MYBPC2: variants seen among roughly 807,000 people sequenced by gnomAD.
The protein encoded by MYBPC2 is myosin binding protein C2, also known as myosin-binding protein C, fast-type.
Under a neutral mutation model 137.0 loss-of-function variants are expected in MYBPC2, and 122 were observed. The observed-to-expected ratio is 0.89, with a 90% CI of 0.77 to 1.03. The LOEUF is 1.03. Ranked by LOEUF, MYBPC2 falls within the 50% of genes least tolerant of loss-of-function variation. The pLI, the probability that MYBPC2 is intolerant of heterozygous loss-of-function variation, is 0.00. For synonymous variants in MYBPC2, 626 were observed against 612.3 expected (o/e 1.02, Z -0.33); for missense variants, 1,500 against 1,534.4 (o/e 0.98, Z 0.37).
Position 50,466,173 on chromosome 19 carries a change from C to G in MYBPC2, c.3416-22C>G. 6.2e-7 allele frequency: 1 copy of G among 1,613,690 alleles called. No homozygotes were observed. Among genetic ancestry groups the G allele is most frequent in the Non-Finnish European group, 8.5e-7 (1 of 1,179,836 alleles). ...GGAGGCGTGCCCGGGCCTGGCTCAC[C>G]CGCTTTCTCGTTTTCCTGCAGTGCC... On this transcript the variant is annotated intron_variant, in intron 27 of 27. Transcript: ENST00000357701. This position sits in a 1 kb window ranked among gnomAD's most constrained non-coding sequence, Gnocchi z 4.9.
Position 50,435,092 on chromosome 19 carries a change from C to T in MYBPC2, c.20-69C>T, listed in dbSNP as rs1181168319. On this transcript the variant is annotated intron_variant, in intron 1 of 27. Coordinates refer to ENST00000357701, the MANE Select transcript of MYBPC2 (RefSeq NM_004533.4). The surrounding 1 kb of genome is among the most constrained non-coding windows in gnomAD (Gnocchi z 4.8). ...GAGGAGGGGCTGGGGGGTCTGGACTCCTGCGTCTGAGGGAGGGGCATGGGT... is the reference window on the plus strand; with the variant it reads ...GAGGAGGGGCTGGGGGGTCTGGACTTCTGCGTCTGAGGGAGGGGCATGGGT... The T allele has an allele frequency of 5.5e-6, 4 of 723,458 alleles. No homozygotes were observed. Among genetic ancestry groups the T allele is most frequent in the Non-Finnish European group, 1.0e-5 (4 of 393,112 alleles). The allele number at this position is 723,458 out of a possible 1,614,324, so 44.8% of individuals were successfully genotyped here.
chr19:50,441,208 GGTGGGCCTCGGACACCAGACCAAATT>G, intron 8 of MYBPC2, 132 bp downstream of exon 8: 3 of 975,074 alleles, frequency 3.1e-6, no homozygotes, highest in Non-Finnish European at 4.3e-6. Flanking sequence ...CAACTCTAGC[GGTGGGCCTCGGACACCAGACCAAATT>G]GAGGACTAGC....
intron 16 of MYBPC2, 93 bp downstream of exon 16, chr19:50,452,096 G>A: frequency 7.4e-7 from 1 of 1,349,884 alleles, no homozygotes; most frequent in Non-Finnish European, 1.0e-6. Flanking sequence ...ATAAAATGAG[G>A]GTGATGGTTC....
At position 50,443,764 on chromosome 19, in the gene MYBPC2, G is replaced by T. The variant is rs2039777469; in HGVS notation, c.1081G>T (p.Asp361Tyr). The T allele has an allele frequency of 6.2e-7, 1 of 1,613,848 alleles. No individual in the cohort carries two copies. The change falls in exon 11 of 28, where the codon GAC becomes TAC. Residue 361 changes from aspartate (D) to tyrosine (Y), a missense_variant. Transcript: ENST00000357701. ...PLEDQQVFVG[D>Y]RVEMAVEVSE... is the part of the protein sequence containing the mutation. ...TGAGGACCAGCAGGTGTTTGTGGGT[G>T]ACCGGGTGGAAATGGCAGTGGAGGT...
At position 50,466,104 on chromosome 19, in the gene MYBPC2, C is replaced by G. The variant is rs1304517740; in HGVS notation, c.3416-91C>G. 7.0e-6 allele frequency: 11 copies of G among 1,565,796 alleles called. No homozygotes were observed. The highest frequency in any genetic ancestry group is 9.6e-6 in the Non-Finnish European group (11 of 1,147,348). On this transcript the variant is annotated intron_variant, in intron 27 of 27. Coordinates refer to ENST00000357701, the MANE Select transcript of MYBPC2 (RefSeq NM_004533.4). The surrounding 1 kb of genome is among the most constrained non-coding windows in gnomAD (Gnocchi z 4.9). ...GGATGGTGACCGTCATCCTGTCCCC[C>G]TGCTGGTCATGTGGATGCAGCTCCT...
intron 13 of MYBPC2, among the ~76,000 whole-genome samples, chr19:50,450,307 G>A (rs2039844104): frequency 6.6e-6 from 1 of 151,994 alleles, no homozygotes; most frequent in Non-Finnish European, 1.5e-5. Flanking sequence ...CACACAGCCT[G>A]GAGTGCAGTG....
In MYBPC2 at chr19:50,461,969, T is replaced by A. The variant is rs2039976162; in HGVS notation, c.3161T>A (p.Leu1054His). ...ATGGCTCCCAAGTTCCTGACACCTC[T>A]CATAGACCGCGTGGTCGTGGCTGGG... Reference protein sequence around the residue: ...FRMAPKFLTPLIDRVVVAGYS... With the variant: ...FRMAPKFLTPHIDRVVVAGYS... The change falls in exon 26 of 28, where the codon CTC (leucine) becomes CAC (histidine). Residue 1054 changes from leucine to histidine, a missense_variant. Leu to His is a moderately conservative substitution (Grantham distance 99). Transcript: ENST00000357701. 1.0e-5 allele frequency: 16 copies of A among 1,584,442 alleles called. No individual in the cohort carries two copies. Among genetic ancestry groups the A allele is most frequent in the Non-Finnish European group, 1.4e-5 (16 of 1,164,806 alleles).
At chr19:50,437,773 G>C (rs1237808958) in intron 7 of MYBPC2, 55 bp downstream of exon 7, 1 of 1,551,808 alleles carries the variant, frequency 6.4e-7, no homozygotes, top group Admixed American at 1.9e-5. Flanking sequence ...GGAGGAGGTG[G>C]TGGGTGAAGC....
At chr19:50,451,075 G>A (rs2039852579) in intron 14 of MYBPC2, 140 bp downstream of exon 14, 1 of 1,012,624 alleles carries the variant, frequency 9.9e-7, no homozygotes, top group Non-Finnish European at 1.5e-6. Flanking sequence ...GCTCATGGCT[G>A]GAGTCAGAAG....
chr19:50,435,867 G>A lies in MYBPC2; in HGVS notation c.196+5G>A. 1.9e-6 allele frequency: 3 copies of A among 1,577,836 alleles called. No individual in the cohort carries two copies. The highest frequency in any genetic ancestry group is 2.6e-6 in the Non-Finnish European group (3 of 1,160,476). On this transcript the variant is annotated splice_donor_5th_base_variant and intron_variant, in intron 3 of 27. Coordinates refer to ENST00000357701, the MANE Select transcript of MYBPC2 (RefSeq NM_004533.4). The surrounding 1 kb of genome is among the most constrained non-coding windows in gnomAD (Gnocchi z 4.8). ...ACTCCGTCTCAGTGGAGACTGGTGAGGGGAACCCGGGGGAGGAGGGGCTGC... is the reference window on the plus strand; with the variant it reads ...ACTCCGTCTCAGTGGAGACTGGTGAAGGGAACCCGGGGGAGGAGGGGCTGC...
chr19:50,454,062 G>A lies in MYBPC2; in HGVS notation c.1792G>A (p.Val598Met). 1 of 1,609,570 alleles carries A rather than the reference G, an allele frequency of 6.2e-7. No individual in the cohort carries two copies. The highest frequency in any genetic ancestry group is 8.5e-7 in the Non-Finnish European group (1 of 1,178,138). ...GGGCAGGACCCGCATCGAGAAGCGG[G>A]TGGACTGCAGCAGCTTTGTGATTGA... ...TEGRTRIEKR[V>M]DCSSFVIESA... Residue 598 changes from valine (V) to methionine (M), a missense_variant, in exon 17 of 28, where the codon GTG (valine) becomes ATG (methionine). Val to Met is a conservative substitution (Grantham distance 21, BLOSUM62 1). Transcript: ENST00000357701.
intron 14 of MYBPC2, 119 bp downstream of exon 14, chr19:50,451,054 G>A (rs935554847): frequency 2.8e-6 from 3 of 1,058,386 alleles, no homozygotes; most frequent in East Asian, 5.2e-5. Context: ...ACGACAGCAA[G>A]CGTCTGTCCC....
At chr19:50,445,468 C>T (rs1266958980) in intron 11 of MYBPC2, among the ~76,000 whole-genome samples, 3 of 151,310 alleles carry the variant, frequency 2.0e-5, no homozygotes, top group East Asian at 1.9e-4. Context: ...TCTTGGCTCA[C>T]CTCAACCTCT....
chr19:50,435,489 C>T lies in MYBPC2; in HGVS notation c.109+239C>T, dbSNP rs1378791964. Among the ~76,000 whole-genome samples, 1 of 152,210 alleles carries T rather than the reference C, an allele frequency of 6.6e-6. No homozygotes were observed. The highest frequency in any genetic ancestry group is 1.5e-5 in the Non-Finnish European group (1 of 68,038). On this transcript the variant is annotated intron_variant, in intron 2 of 27. Coordinates refer to ENST00000357701, the MANE Select transcript of MYBPC2 (RefSeq NM_004533.4). The surrounding 1 kb of genome is among the most constrained non-coding windows in gnomAD (Gnocchi z 4.8). ...CTGGCTGATTGATCACCAGGTCCGG[C>T]CCCGGTCTCTCTAAACCTCTCCCGC...
At chr19:50,461,489 T>A in intron 24 of MYBPC2, 53 bp from the exon 25 acceptor site, 1 of 1,563,208 alleles carries the variant, frequency 6.4e-7, no homozygotes, top group Non-Finnish European at 8.8e-7. Context: ...TTGTGTGTAA[T>A]CGTGTGATCC....
intron 27 of MYBPC2, among the ~76,000 whole-genome samples, chr19:50,464,839 C>T (rs567737170): frequency 1.3e-5 from 2 of 152,242 alleles, no homozygotes; most frequent in South Asian, 2.1e-4. Flanking sequence ...CCTGGGCCCC[C>T]GTAGGCAGAT....
rs750155277 is a variant in MYBPC2 at position 50,455,205 on chromosome 19, C to T, written c.2112C>T (p.Ile704=). The T allele has an allele frequency of 1.4e-5, 23 of 1,613,920 alleles. No homozygotes were observed. Among genetic ancestry groups the T allele is most frequent in the East Asian group, 2.2e-5 (1 of 44,880 alleles). Residue 704 remains isoleucine, a synonymous_variant, in exon 19 of 28, where the codon ATC becomes ATT. Transcript: ENST00000357701. ...CCACCTATGAGTCCACCAAGATGATCGAGGGCATCCTCTATGAGATGCGTG... is the reference window on the plus strand; with the variant it reads ...CCACCTATGAGTCCACCAAGATGATTGAGGGCATCCTCTATGAGATGCGTG... ...TETTYESTKM[I]EGILYEMRVF... is the part of the protein sequence containing the mutation.
chr19:50,434,134 G>T (rs544920931), intron 1 of MYBPC2, among the ~76,000 whole-genome samples: 1 of 152,094 alleles, frequency 6.6e-6, no homozygotes, highest in South Asian at 2.1e-4. Flanking sequence ...AAGGTGGGTG[G>T]ATCACCTGAG....
At chr19:50,433,110 A>T (rs909560843) in intron 1 of MYBPC2, 138 bp downstream of exon 1, 52 of 1,126,002 alleles carry the variant, frequency 4.6e-5, no homozygotes, top group Non-Finnish European at 5.3e-5. Context: ...GCTGTGCGGG[A>T]TGGGGGTTCC....
Sources: allele counts gnomAD v4.1 joint callset (sites outside exome capture counted in the v4.1 genomes callset), GRCh38; gene constraint gnomAD v4.1.1; non-coding constraint Gnocchi (gnomAD v3.1); transcripts MANE v1.5; gene names NCBI Gene and HGNC (gene_info 2026-07-23, HGNC 2026-07-21).